KLF12: variants seen among roughly 807,000 people sequenced by gnomAD.
The protein encoded by KLF12 is KLF transcription factor 12.
A neutral mutation model predicts 37.8 loss-of-function variants in KLF12; 9 were observed. The observed-to-expected ratio is 0.24, with a 90% CI of 0.14 to 0.42. The LOEUF is 0.42. KLF12 is among the 10% of genes least tolerant of loss of function. KLF12 has a pLI of 1.00. For synonymous variants in KLF12, 208 were observed against 202.1 expected (o/e 1.03, Z -0.25); for missense variants, 411 against 516.0 (o/e 0.80, Z 1.97).
At chr13:73,860,395 G>A (rs1421606203) in intron 3 of KLF12, among the ~76,000 whole-genome samples, 1 of 152,096 alleles carries the variant, frequency 6.6e-6, no homozygotes, top group Non-Finnish European at 1.5e-5. Context: ...AAGCTCATTA[G>A]TAAAGCTCCA....
intron 4 of KLF12, among the ~76,000 whole-genome samples, chr13:73,842,389 G>A (rs772268450): frequency 1.4e-4 from 21 of 152,134 alleles, no homozygotes; most frequent in Non-Finnish European, 1.9e-4. Context: ...TTATTTCGTG[G>A]AAAGTCAGTA....
At chr13:73,982,652 C>T (rs1451940425) in intron 2 of KLF12, among the ~76,000 whole-genome samples, 1 of 152,116 alleles carries the variant, frequency 6.6e-6, no homozygotes, top group African/African-American at 2.4e-5. Flanking sequence ...AGGAAAAAAA[C>T]ACTCTTCATA....
chr13:74,259,944 T>G, the KLF12 span: 1 of 152,220 alleles, frequency 6.6e-6, no homozygotes, highest in Non-Finnish European at 1.5e-5. Flanking sequence ...ATTGCATAAA[T>G]AAACTATGCC....
At chr13:74,034,124 G>C (rs551403097) in intron 1 of KLF12, among the ~76,000 whole-genome samples, 2 of 151,962 alleles carry the variant, frequency 1.3e-5, no homozygotes, top group Non-Finnish European at 2.9e-5. Context: ...GTGCAATGAC[G>C]GGATCTCAGC....
At chr13:73,710,229 C>T (rs535680978) in intron 7 of KLF12, among the ~76,000 whole-genome samples, 11 of 152,066 alleles carry the variant, frequency 7.2e-5, no homozygotes, top group Non-Finnish European at 1.3e-4. Flanking sequence ...ATTATAGGTA[C>T]AAGGGATAGA....
chr13:73,832,619 A>T (rs2138590865), intron 4 of KLF12, among the ~76,000 whole-genome samples: 1 of 152,326 alleles, frequency 6.6e-6, no homozygotes, highest in Non-Finnish European at 1.5e-5. Context: ...TTTACTTAAT[A>T]CGTTTTTAAG....
intron 5 of KLF12, among the ~76,000 whole-genome samples, chr13:73,786,382 G>C (rs950289781): frequency 2.0e-5 from 3 of 152,102 alleles, no homozygotes; most frequent in Non-Finnish European, 4.4e-5. Context: ...CTCAGTGTCT[G>C]CAGAATTAAC....
intron 3 of KLF12, among the ~76,000 whole-genome samples, chr13:73,908,415 A>C (rs1888412043): frequency 8.3e-6 from 1 of 121,148 alleles, no homozygotes; most frequent in Non-Finnish European, 1.8e-5. Context: ...AAAAAAAAAC[A>C]AACAAACAAA....
intron 6 of KLF12, among the ~76,000 whole-genome samples, chr13:73,746,300 C>T (rs139097227): frequency 6.6e-6 from 1 of 152,148 alleles, no homozygotes; most frequent in Non-Finnish European, 1.5e-5. Flanking sequence ...ACTCCCAGGG[C>T]CAACATATGA....
chr13:73,850,207 C>A (rs530731093), intron 3 of KLF12, among the ~76,000 whole-genome samples: 4 of 152,136 alleles, frequency 2.6e-5, no homozygotes, highest in African/African-American at 9.7e-5. Context: ...AGTCTCAAAG[C>A]CAGTTTTACT....
At chr13:73,947,004 T>C (rs1163553694) in intron 2 of KLF12, among the ~76,000 whole-genome samples, 2 of 152,240 alleles carry the variant, frequency 1.3e-5, no homozygotes, top group African/African-American at 4.8e-5. Context: ...CAGATGAATG[T>C]AGACTTTAAA....
intron 7 of KLF12, among the ~76,000 whole-genome samples, chr13:73,705,964 C>A (rs1320341615): frequency 6.6e-6 from 1 of 152,066 alleles, no homozygotes; most frequent in Non-Finnish European, 1.5e-5. Context: ...CCATCCTGTC[C>A]AACATGGTGA....
At chr13:74,295,870 G>C in the KLF12 span, among the ~76,000 whole-genome samples, 3 of 152,052 alleles carry the variant, frequency 2.0e-5, no homozygotes, top group African/African-American at 4.8e-5. Flanking sequence ...CTGGAGTACA[G>C]TGGCGTGATC....
chr13:74,256,688 T>TGTGTGTGTGTG, the KLF12 span, among the ~76,000 whole-genome samples: 6 of 148,022 alleles, frequency 4.1e-5, no homozygotes, highest in African/African-American at 7.4e-5. Context: ...TGAGTAGAGC[T>TGTGTGTGTGTG]TGTGTGTGTG....
At chr13:73,978,221 CA>C (rs1401891893) in intron 2 of KLF12, among the ~76,000 whole-genome samples, 1 of 151,912 alleles carries the variant, frequency 6.6e-6, no homozygotes, top group Non-Finnish European at 1.5e-5. Flanking sequence ...GCAAAAGACA[CA>C]TCTGTAAAGA....
At chr13:74,276,576 C>T in the KLF12 span, among the ~76,000 whole-genome samples, 27 of 152,218 alleles carry the variant, frequency 1.8e-4, no homozygotes, top group South Asian at 5.6e-3. Flanking sequence ...TAAGTTTATT[C>T]TGTGGTTTGA....
the KLF12 span, among the ~76,000 whole-genome samples, chr13:74,212,608 C>A: frequency 1.3e-5 from 2 of 152,014 alleles, no homozygotes; most frequent in Admixed American, 1.3e-4. Flanking sequence ...TTGGGAAGCA[C>A]CAACTATGGG....
chr13:74,107,822 G>A (rs1479855609), intron 1 of KLF12, among the ~76,000 whole-genome samples: 2 of 152,186 alleles, frequency 1.3e-5, no homozygotes, highest in Admixed American at 1.3e-4. Flanking sequence ...GAAACACAAA[G>A]TGGAAAATGA....
intron 1 of KLF12, among the ~76,000 whole-genome samples, chr13:74,049,837 G>A (rs1220931731): frequency 1.3e-5 from 2 of 152,166 alleles, no homozygotes; most frequent in Admixed American, 1.3e-4. Flanking sequence ...AAAGGAAGAG[G>A]AAAGTAAGTT....
Sources: allele counts gnomAD v4.1 joint callset (sites outside exome capture counted in the v4.1 genomes callset), GRCh38; gene constraint gnomAD v4.1.1; transcripts MANE v1.5; gene names NCBI Gene and HGNC (gene_info 2026-07-23, HGNC 2026-07-21).